Variants in DSCAML1 observed in about 807,000 individuals in gnomAD.
DSCAML1 encodes the protein DS cell adhesion molecule like 1, also known as cell adhesion molecule DSCAML1.
In DSCAML1, 38 loss-of-function variants were observed where a neutral mutation model predicts 200.5. The ratio of observed to expected loss-of-function variants is 0.19; its 90% CI spans 0.15 to 0.25. The LOEUF (loss-of-function observed/expected upper bound fraction) is 0.25. DSCAML1 is among the 10% of genes least tolerant of loss of function. DSCAML1 has a pLI of 1.00. For synonymous variants in DSCAML1, 1,215 were observed against 1,165.0 expected, an observed-to-expected ratio of 1.04 and a Z score of -0.87; for missense variants, 2,223 against 2,858.8, an observed-to-expected ratio of 0.78 and a Z score of 5.07.
intron 27 of DSCAML1, among the ~76,000 whole-genome samples, chr11:117,434,714 C>T (rs147172714): frequency 1.3e-5 from 2 of 152,234 alleles, no homozygotes; most frequent in Admixed American, 6.5e-5. Context: ...TCCATTCAAC[C>T]ATTTATTCAG....
At chr11:117,600,466 C>T (rs1302603290) in intron 3 of DSCAML1, among the ~76,000 whole-genome samples, 7 of 152,168 alleles carry the variant, frequency 4.6e-5, no homozygotes, top group African/African-American at 1.7e-4. Context: ...ACTAGCAGGC[C>T]CAGCCCACAG....
intron 4 of DSCAML1, among the ~76,000 whole-genome samples, chr11:117,525,444 C>A (rs73587126): frequency 5.3e-5 from 8 of 150,312 alleles, no homozygotes; most frequent in Admixed American, 2.7e-4. Flanking sequence ...TCCTTTCCCA[C>A]GGAGAGTCCC....
chr11:117,506,981 C>T (rs2049512405), intron 8 of DSCAML1, among the ~76,000 whole-genome samples: 1 of 152,188 alleles, frequency 6.6e-6, no homozygotes, highest in South Asian at 2.1e-4. Flanking sequence ...CTTCCTCCCG[C>T]TAGAAATGCA....
chr11:117,725,083 A>G (rs1236971095), intron 3 of DSCAML1, among the ~76,000 whole-genome samples: 2 of 152,192 alleles, frequency 1.3e-5, no homozygotes, highest in African/African-American at 4.8e-5. Flanking sequence ...AGCACTAAAA[A>G]TAGGAGGGAT....
At chr11:117,739,648 G>T (rs1384334495) in intron 3 of DSCAML1, among the ~76,000 whole-genome samples, 2 of 152,216 alleles carry the variant, frequency 1.3e-5, no homozygotes, top group Non-Finnish European at 2.9e-5. Flanking sequence ...CTCTGTGCAT[G>T]GTTATTCAGG....
intron 20 of DSCAML1, among the ~76,000 whole-genome samples, chr11:117,448,598 C>G (rs1031615836): frequency 7.3e-6 from 1 of 136,854 alleles, no homozygotes; most frequent in African/African-American, 2.9e-5. Context: ...GAATTGTGAA[C>G]AGCTTAGTGT....
intron 3 of DSCAML1, among the ~76,000 whole-genome samples, chr11:117,647,831 G>A (rs1007112992): frequency 1.3e-5 from 2 of 152,132 alleles, no homozygotes; most frequent in Non-Finnish European, 2.9e-5. Flanking sequence ...TTGTCCCCAG[G>A]GAACCCTTCT....
chr11:117,586,853 T>C (rs2051153902), intron 3 of DSCAML1, among the ~76,000 whole-genome samples: 1 of 152,166 alleles, frequency 6.6e-6, no homozygotes, highest in Non-Finnish European at 1.5e-5. Flanking sequence ...GAGTCCAGCA[T>C]GTTAGTTTTC....
chr11:117,489,885 G>A lies in DSCAML1; in HGVS notation c.2360-7723C>T, dbSNP rs2049152136. Among the ~76,000 whole-genome samples, 1 of 152,200 alleles carries A rather than the reference G, an allele frequency of 6.6e-6. No individual in the cohort carries two copies. Among genetic ancestry groups the A allele is most frequent in the African/African-American group, 2.4e-5 (1 of 41,450 alleles). On this transcript the variant is annotated intron_variant, in intron 11 of 32. Transcript: ENST00000651296. The surrounding 1 kb of genome is among the most constrained non-coding windows in gnomAD (Gnocchi z 4.8). ...CCAGGGCAGAAGCATCTCTATTCCAGGGCTTAGCTCGTGTTTGTGGAAAGG... is the reference window on the plus strand; with the variant it reads ...CCAGGGCAGAAGCATCTCTATTCCAAGGCTTAGCTCGTGTTTGTGGAAAGG...
intron 3 of DSCAML1, among the ~76,000 whole-genome samples, chr11:117,621,645 T>TA (rs1316313227): frequency 2.0e-5 from 3 of 152,162 alleles, no homozygotes; most frequent in African/African-American, 7.2e-5. Context: ...GCTATATATA[T>TA]TTTTTTGGGG....
intron 3 of DSCAML1, among the ~76,000 whole-genome samples, chr11:117,758,885 G>T (rs985222229): frequency 7.9e-5 from 12 of 152,036 alleles, no homozygotes; most frequent in African/African-American, 9.7e-5. Context: ...CACCTCAAGG[G>T]TTCCCTACAA....
intron 3 of DSCAML1, among the ~76,000 whole-genome samples, chr11:117,591,855 C>G (rs1325050456): frequency 6.6e-6 from 1 of 152,152 alleles, no homozygotes; most frequent in East Asian, 1.9e-4. Context: ...AGGTGCATCC[C>G]GGCCCCTCAC....
At chr11:117,766,697 CA>C (rs1310861026) in intron 3 of DSCAML1, among the ~76,000 whole-genome samples, 2 of 152,200 alleles carry the variant, frequency 1.3e-5, no homozygotes, top group African/African-American at 4.8e-5. Context: ...GAAATTCACC[CA>C]GGGGGTGCTC....
intron 3 of DSCAML1, among the ~76,000 whole-genome samples, chr11:117,735,941 A>T (rs1464374293): frequency 6.6e-6 from 1 of 151,910 alleles, no homozygotes. Context: ...CCTAGTGCAC[A>T]CTCCTATAGT....
At chr11:117,743,277 G>A (rs1445653685) in intron 3 of DSCAML1, among the ~76,000 whole-genome samples, 2 of 152,174 alleles carry the variant, frequency 1.3e-5, no homozygotes, top group African/African-American at 2.4e-5. Context: ...AGGAGGAGGA[G>A]CAAGGGTGCC....
At chr11:117,761,906 A>T (rs1247290240) in intron 3 of DSCAML1, among the ~76,000 whole-genome samples, 2 of 152,190 alleles carry the variant, frequency 1.3e-5, no homozygotes, top group Non-Finnish European at 2.9e-5. Context: ...GGATGATAAC[A>T]GTTCCACCCA....
chr11:117,588,996 CA>C (rs1243986420), intron 3 of DSCAML1, among the ~76,000 whole-genome samples: 19 of 152,156 alleles, frequency 1.2e-4, no homozygotes, highest in South Asian at 4.1e-4. Flanking sequence ...TAAGGACACA[CA>C]GGGGGAGAGG....
chr11:117,482,218 G>A lies in DSCAML1; in HGVS notation c.2360-56C>T, dbSNP rs555821480. On this transcript the variant is annotated intron_variant, in intron 11 of 32. Transcript: ENST00000651296. ...AAGGTCGGGAGACCAGCCTGGAGGA[G>A]GCACGCGTGCCCTGCGCAGAAGCCC... 239 of 1,596,226 alleles carry A rather than the reference G, an allele frequency of 1.5e-4. 7 individuals are homozygous for A. In the South Asian group the frequency reaches 2.5e-3, roughly 17 times the overall value.
chr11:117,643,524 TCTGAATGC>T (rs1319221887), intron 3 of DSCAML1, among the ~76,000 whole-genome samples: 4 of 152,210 alleles, frequency 2.6e-5, no homozygotes, highest in Non-Finnish European at 2.9e-5. Flanking sequence ...AGAGATTTTT[TCTGAATGC>T]CTTTCATTCA....
Sources: gnomAD v4.1 joint callset for allele counts (sites outside exome capture counted in the v4.1 genomes callset) on GRCh38, gnomAD v4.1.1 for gene constraint, Gnocchi (gnomAD v3.1) non-coding constraint, MANE v1.5 for transcripts, NCBI Gene and HGNC (gene_info 2026-07-23, HGNC 2026-07-21) for gene names.